The following CORO1B variants were observed in gnomAD, a reference collection of about 807,000 sequenced individuals.
CORO1B encodes the protein coronin-1B.
A neutral mutation model predicts 51.1 loss-of-function variants in CORO1B; 30 were observed. The observed-to-expected ratio is 0.59, with a 90% CI of 0.44 to 0.80. The LOEUF (loss-of-function observed/expected upper bound fraction) is 0.80. Ranked by LOEUF, CORO1B falls within the 30% of genes least tolerant of loss-of-function variation. The pLI is 0.00. For missense variants in CORO1B, 648 were observed against 700.4 expected (o/e 0.93, Z 0.84); for synonymous variants, 310 against 289.7 (o/e 1.07, Z -0.71).
Position 67,436,566 on chromosome 11 carries a change from C to T in CORO1B, c.*1810G>A, listed in dbSNP as rs1864285884. ...AGCCTCCTCCCTACCACTCACCTCC[C>T]CCAACAGCTGCATTAAGCCACCTGC... On this transcript the variant is annotated 3_prime_UTR_variant, in exon 11 of 11. Transcript: ENST00000341356. 1 of 481,876 alleles carries T rather than the reference C, an allele frequency of 2.1e-6. No homozygotes were observed. The highest frequency in any genetic ancestry group is 3.5e-6 in the Non-Finnish European group (1 of 287,572). The allele number at this position is 481,876 out of a possible 1,614,324, so 29.9% of individuals were successfully genotyped here.
Position 67,438,344 on chromosome 11 carries a change from G to T in CORO1B, c.*32C>A. ...AGAAGCTGAGTGGGAAGGGGGCGGC[G>T]GAGGAGATGAAGGTGGCGTGTGGCT... On this transcript the variant is annotated 3_prime_UTR_variant, in exon 11 of 11. Transcript: ENST00000341356. 6.4e-7 allele frequency: 1 copy of T among 1,573,186 alleles called. No individual in the cohort carries two copies.
In CORO1B at chr11:67,438,318, C is replaced by G. The variant is rs1056131410; in HGVS notation, c.*58G>C. On this transcript the variant is annotated 3_prime_UTR_variant, in exon 11 of 11. Transcript: ENST00000341356. Reference sequence around the variant, plus strand: ...CAGCTAGCCCGGTGCGACCCGCTGGCAGAAGCTGAGTGGGAAGGGGGCGGC... The same window carrying G: ...CAGCTAGCCCGGTGCGACCCGCTGGGAGAAGCTGAGTGGGAAGGGGGCGGC... 5.2e-6 allele frequency: 8 copies of G among 1,550,854 alleles called. No homozygotes were observed. The South Asian group carries it at 8.3e-5, about 16-fold the overall frequency.
rs1864248590 is a variant in CORO1B at position 67,435,593 on chromosome 11, A to G, written c.*2783T>C. ...CGTTCCCGTGGTGAGCGGGGTACAC[A>G]TGGACTTGGGAACTGGTAGGGGGTG... On this transcript the variant is annotated 3_prime_UTR_variant, in exon 11 of 11. Transcript: ENST00000341356. 3 of 1,314,110 alleles carry G rather than the reference A, an allele frequency of 2.3e-6. No individual in the cohort carries two copies. The highest frequency in any genetic ancestry group is 1.5e-5 in the African/African-American group (1 of 67,804). The allele number at this position is 1,314,110 out of a possible 1,614,324, so 81.4% of individuals were successfully genotyped here. A position where few individuals can be genotyped will look rare whatever the true frequency, so the allele number is the denominator to read the frequency against.
chr11:67,442,226 A>G (rs1190299904), intron 2 of CORO1B, 138 bp from the exon 3 acceptor site: 1 of 1,454,956 alleles, frequency 6.9e-7, no homozygotes, highest in African/African-American at 1.4e-5. Flanking sequence ...CCAGGTGAGC[A>G]GGAAATGTTT....
upstream of CORO1B, chr11:67,443,799 C>T (rs1864444628): frequency 1.0e-6 from 1 of 985,202 alleles, no homozygotes; most frequent in Non-Finnish European, 1.2e-6. Context: ...TAATGGCATC[C>T]GCAGGAGTCT....
chr11:67,435,846 C>T lies in CORO1B; in HGVS notation c.*2530G>A. ...CTCAGCAGGGCCTCAGCACTGCCCCCTGCGCTCGCTGGTCCTGGGGAGCCG... is the reference window on the plus strand; with the variant it reads ...CTCAGCAGGGCCTCAGCACTGCCCCTTGCGCTCGCTGGTCCTGGGGAGCCG... On this transcript the variant is annotated 3_prime_UTR_variant, in exon 11 of 11. Coordinates refer to ENST00000341356, the MANE Select transcript of CORO1B (RefSeq NM_020441.3). 1 of 1,609,390 alleles carries T rather than the reference C, an allele frequency of 6.2e-7. No homozygotes were observed.
At position 67,435,917 on chromosome 11, in the gene CORO1B, C is replaced by T. The variant is rs141177910; in HGVS notation, c.*2459G>A. The T allele has an allele frequency of 1.5e-4, 241 of 1,612,862 alleles. No individual in the cohort carries two copies. In the African/African-American group the frequency reaches 1.9e-3, roughly 13 times the overall value. Reference sequence around the variant, plus strand: ...GTCACTGTCTCTGGCTTCCTCAGCCCGCACGGGGACCTGCTCTGGGCTGGA... The same window carrying T: ...GTCACTGTCTCTGGCTTCCTCAGCCTGCACGGGGACCTGCTCTGGGCTGGA... On this transcript the variant is annotated 3_prime_UTR_variant, in exon 11 of 11. Coordinates refer to ENST00000341356, the MANE Select transcript of CORO1B (RefSeq NM_020441.3).
intron 6 of CORO1B, 150 bp downstream of exon 6, chr11:67,440,970 CAGGAG>C (rs1024705280): frequency 5.6e-6 from 6 of 1,063,080 alleles, no homozygotes; most frequent in Non-Finnish European, 8.3e-6. Flanking sequence ...GAGCAGGGGG[CAGGAG>C]AGGAAAGTCT....
In CORO1B at chr11:67,441,924, G is replaced by A. The variant is rs1156962867; in HGVS notation, c.324+42C>T. The A allele has an allele frequency of 4.3e-6, 7 of 1,612,940 alleles. No individual in the cohort carries two copies. The Admixed American group carries it at 5.0e-5, about 12-fold the overall frequency. On this transcript the variant is annotated intron_variant, in intron 3 of 10. Coordinates refer to ENST00000341356, the MANE Select transcript of CORO1B (RefSeq NM_020441.3). ...GCTGGTCCTATTGCTGGCCCCCTTC[G>A]GCCACACCCACGACCCTGGCCCAGC...
In CORO1B at chr11:67,440,329, C is replaced by T; in HGVS notation, c.861+6G>A. The T allele has an allele frequency of 2.5e-6, 4 of 1,613,470 alleles. No individual in the cohort carries two copies. The South Asian group carries it at 4.4e-5, about 18-fold the overall frequency. ...CCTGCCCCTCGCCAGCCCTGCCCAG[C>T]CCCACCTTGCCGCAGACGTAGACCA... On this transcript the variant is annotated splice_donor_region_variant and intron_variant, in intron 7 of 10. Coordinates refer to ENST00000341356, the MANE Select transcript of CORO1B (RefSeq NM_020441.3).
intron 8 of CORO1B, 30 bp downstream of exon 8, chr11:67,440,088 A>G (rs754449406): frequency 8.8e-6 from 14 of 1,589,596 alleles, no homozygotes; most frequent in Non-Finnish European, 1.2e-5. Flanking sequence ...AGATGCCCCT[A>G]TCCCCGAGTG....
chr11:67,443,230 C>T (rs1864431586), intron 1 of CORO1B, among the ~76,000 whole-genome samples, 174 bp downstream of exon 1: 1 of 152,140 alleles, frequency 6.6e-6, no homozygotes, highest in Non-Finnish European at 1.5e-5. Flanking sequence ...CTTCCAGGGA[C>T]CTCCGCCCAG....
chr11:67,438,639 T>TAA, intron 10 of CORO1B, 32 bp downstream of exon 10: 1 of 1,514,618 alleles, frequency 6.6e-7, no homozygotes, highest in South Asian at 1.2e-5. Context: ...CACCTGGGGC[T>TAA]CCCAGCACCA....
intron 1 of CORO1B, 102 bp downstream of exon 1, chr11:67,443,302 G>C (rs1864432594): frequency 5.3e-6 from 1 of 189,260 alleles, no homozygotes; most frequent in African/African-American, 2.4e-5. Context: ...GAGGCGAAAG[G>C]CTCCTGGGAC....
intron 9 of CORO1B, 58 bp from the exon 10 acceptor site, chr11:67,439,007 A>T (rs542087940): frequency 1.3e-6 from 2 of 1,521,880 alleles, no homozygotes; most frequent in African/African-American, 1.4e-5. Context: ...GGGTCCCCTC[A>T]TCCCTCCCCT....
chr11:67,442,375 C>T, intron 2 of CORO1B, 53 bp downstream of exon 2: 1 of 1,570,164 alleles, frequency 6.4e-7, no homozygotes, highest in East Asian at 2.2e-5. Context: ...GCAGAAAGGC[C>T]CAGTAGGGGT....
rs1457659443 is a variant in CORO1B, at chr11:67,435,576, T to G, written c.*2800A>C. The G allele has an allele frequency of 3.5e-6, 4 of 1,151,208 alleles. 1 individual carries two copies. Among genetic ancestry groups the G allele is most frequent in the Non-Finnish European group, 4.7e-6 (4 of 842,922 alleles). 71.3% of individuals were successfully genotyped at this position (1,151,208 alleles called of 1,614,324 possible). A position where few individuals can be genotyped will look rare whatever the true frequency, so the allele number is the denominator to read the frequency against. On this transcript the variant is annotated 3_prime_UTR_variant, in exon 11 of 11. Transcript: ENST00000341356. ...CTGTGGTTGGGGGGGGCCGTTCCCG[T>G]GGTGAGCGGGGTACACATGGACTTG...
chr11:67,442,981 G>A (rs1047171163), intron 1 of CORO1B, among the ~76,000 whole-genome samples: 2 of 152,172 alleles, frequency 1.3e-5, no homozygotes, highest in African/African-American at 4.8e-5. Context: ...AGCCAGTCGG[G>A]AGCAGCCTCC....
intron 6 of CORO1B, chr11:67,440,859 A>G (rs1208157960): frequency 1.5e-6 from 1 of 653,858 alleles, no homozygotes; most frequent in Admixed American, 2.3e-5. Flanking sequence ...TGGGTGGTAC[A>G]GGCAAGCAAG....
Sources: gnomAD v4.1 joint callset for allele counts (sites outside exome capture counted in the v4.1 genomes callset) on GRCh38, gnomAD v4.1.1 for gene constraint, MANE v1.5 for transcripts, NCBI Gene and HGNC (gene_info 2026-07-23, HGNC 2026-07-21) for gene names.